The following NDUFV2 variants were observed in gnomAD, a reference collection of about 807,000 sequenced individuals.
NDUFV2 encodes the protein NADH dehydrogenase [ubiquinone] flavoprotein 2, mitochondrial.
NDUFV2 carries 18 observed loss-of-function variants against 31.6 expected under a neutral mutation model. That is an observed-to-expected ratio of 0.57 (90% CI 0.39 to 0.84). The LOEUF (loss-of-function observed/expected upper bound fraction) is 0.84, where lower values mean the gene tolerates loss of function less well. NDUFV2 is among the 40% of genes least tolerant of loss of function. The probability of loss-of-function intolerance (pLI) is 0.00; values close to 1 mark genes in which losing one functional copy is unlikely to be tolerated. For synonymous variants in NDUFV2, 83 were observed against 99.8 expected, an observed-to-expected ratio of 0.83 and a Z score of 1.01; for missense variants, 314 against 303.6, an observed-to-expected ratio of 1.03 and a Z score of -0.26.
chr18:9,113,633 GA>G (rs2144735137), intron 1 of NDUFV2, among the ~76,000 whole-genome samples: 1 of 152,282 alleles, frequency 6.6e-6, no homozygotes, highest in African/African-American at 2.4e-5. Flanking sequence ...TCCACAAGCA[GA>G]TAGCCCGGTG....
At chr18:9,112,468 A>C (rs948669679) in intron 1 of NDUFV2, 5 of 152,124 alleles carry the variant, frequency 3.3e-5, no homozygotes, top group African/African-American at 1.2e-4. Context: ...AGAACTAAAG[A>C]CTTCATTGGG....
Position 9,126,842 on chromosome 18 carries a change from A to G in NDUFV2, c.591A>G (p.Thr197=). The G allele has an allele frequency of 6.2e-7, 1 of 1,613,318 alleles. No individual in the cohort carries two copies. The highest frequency in any genetic ancestry group is 1.1e-5 in the South Asian group (1 of 90,926). ...QINDNYYEDL[T]AKDIEEIIDE... is the part of the protein sequence containing the mutation. ...AATTTTTTTTCCAGGAGGATTTGAC[A>G]GCTAAGGATATTGAAGAAATTATTG... The change falls in exon 7 of 8, where the codon ACA becomes ACG. Residue 197 remains threonine (T), a synonymous_variant. Coordinates refer to ENST00000318388, the MANE Select transcript of NDUFV2 (RefSeq NM_021074.5).
At chr18:9,107,340 C>T (rs2077846975) in intron 1 of NDUFV2, among the ~76,000 whole-genome samples, 1 of 152,340 alleles carries the variant, frequency 6.6e-6, no homozygotes, top group South Asian at 2.1e-4. Flanking sequence ...AATTACAGGT[C>T]TGTTGCCCAT....
Position 9,118,005 on chromosome 18 carries a change from A to G in NDUFV2, c.120+102A>G, listed in dbSNP as rs1416844426. 4 of 793,728 alleles carry G rather than the reference A, an allele frequency of 5.0e-6. No homozygotes were observed. In the East Asian group the frequency reaches 7.4e-5, roughly 15 times the overall value. The allele number at this position is 793,728 out of a possible 1,614,324, so 49.2% of individuals were successfully genotyped here. A position where few individuals can be genotyped will look rare whatever the true frequency, so the allele number is the denominator to read the frequency against. ...TCTTAAATACCATTGTCTTTGATAT[A>G]TGATGGTCATCGTGAGAATTTACAT... On this transcript the variant is annotated intron_variant, in intron 2 of 7. Transcript: ENST00000318388.
chr18:9,121,734 C>T (rs1300593494), intron 4 of NDUFV2, among the ~76,000 whole-genome samples: 4 of 152,306 alleles, frequency 2.6e-5, no homozygotes, highest in African/African-American at 7.2e-5. Context: ...TAGAAATCCT[C>T]GTTTTCCCTA....
At chr18:9,121,663 C>G (rs1265073739) in intron 4 of NDUFV2, among the ~76,000 whole-genome samples, 2 of 152,020 alleles carry the variant, frequency 1.3e-5, no homozygotes, top group Admixed American at 1.3e-4. Flanking sequence ...AATAGGTCAC[C>G]TAGAAAGTTG....
At chr18:9,124,798 ATTCT>A in intron 5 of NDUFV2, 72 bp from the exon 6 acceptor site, 1 of 1,283,226 alleles carries the variant, frequency 7.8e-7, no homozygotes, top group Non-Finnish European at 1.1e-6. Flanking sequence ...CTCTATAAAA[ATTCT>A]TTTTTTTTTT....
In NDUFV2 at chr18:9,125,050, A is replaced by G. The variant is rs559207657; in HGVS notation, c.579+67A>G. ...ATATTTAAAACATTTTAAATATTTG[A>G]TTTTGTGTCCTTAGATGTTGGTTTC... On this transcript the variant is annotated intron_variant, in intron 6 of 7. Coordinates refer to ENST00000318388, the MANE Select transcript of NDUFV2 (RefSeq NM_021074.5). 26 of 1,501,856 alleles carry G rather than the reference A, an allele frequency of 1.7e-5. No individual in the cohort carries two copies. The East Asian group carries it at 5.1e-4, about 29-fold the overall frequency. 93.0% of individuals were successfully genotyped at this position (1,501,856 alleles called of 1,614,324 possible). A position where few individuals can be genotyped will look rare whatever the true frequency, so the allele number is the denominator to read the frequency against.
chr18:9,117,806 T>A, intron 1 of NDUFV2, 32 bp from the exon 2 acceptor site: 1 of 1,330,252 alleles, frequency 7.5e-7, no homozygotes, highest in Non-Finnish European at 1.1e-6. Flanking sequence ...AGGCTATGAT[T>A]TACTAAACTT....
chr18:9,109,346 TCTGA>T (rs964625154), intron 1 of NDUFV2, among the ~76,000 whole-genome samples: 13 of 152,230 alleles, frequency 8.5e-5, no homozygotes, highest in African/African-American at 1.4e-4. Context: ...GTCTTGTCTT[TCTGA>T]CTAATTAGAT....
At chr18:9,110,863 G>A (rs892075944) in intron 1 of NDUFV2, among the ~76,000 whole-genome samples, 46 of 152,150 alleles carry the variant, frequency 3.0e-4, no homozygotes, top group African/African-American at 1.1e-3. Context: ...CTTTGAAGAG[G>A]TCGACTTCGG....
chr18:9,117,799 C>G (rs2077906483), intron 1 of NDUFV2, 39 bp from the exon 2 acceptor site: 1 of 1,213,358 alleles, frequency 8.2e-7, no homozygotes, highest in East Asian at 2.3e-5. Flanking sequence ...TTTTTTAAGG[C>G]TATGATTTAC....
chr18:9,121,502 C>T (rs2077935296), intron 4 of NDUFV2: 1 of 152,164 alleles, frequency 6.6e-6, no homozygotes, highest in Non-Finnish European at 1.5e-5. Context: ...ACAAGTGAGC[C>T]ATGATTAGAT....
chr18:9,110,101 G>GA (rs1315668692), intron 1 of NDUFV2, among the ~76,000 whole-genome samples: 1 of 151,174 alleles, frequency 6.6e-6, no homozygotes, highest in Non-Finnish European at 1.5e-5. Context: ...AGATTCTAGA[G>GA]AAAAGACTAG....
At chr18:9,123,612 G>A (rs1257760500) in intron 5 of NDUFV2, among the ~76,000 whole-genome samples, 1 of 152,024 alleles carries the variant, frequency 6.6e-6, no homozygotes, top group Non-Finnish European at 1.5e-5. Context: ...ACCCTTCCAA[G>A]TAGCTGTAGC....
At chr18:9,107,349 A>G (rs929359561) in intron 1 of NDUFV2, among the ~76,000 whole-genome samples, 4 of 152,232 alleles carry the variant, frequency 2.6e-5, no homozygotes, top group African/African-American at 9.6e-5. Context: ...TCTGTTGCCC[A>G]TGCTGTATAA....
At chr18:9,105,020 TC>T in intron 1 of NDUFV2, 1 of 1,494,016 alleles carries the variant, frequency 6.7e-7, no homozygotes. Context: ...TGTAATGTAT[TC>T]TGAACAGCTT....
At chr18:9,105,102 T>A in intron 1 of NDUFV2, 1 of 1,094,406 alleles carries the variant, frequency 9.1e-7, no homozygotes, top group Non-Finnish European at 1.2e-6. Flanking sequence ...GATGTTCTAT[T>A]ACTTATACAA....
At chr18:9,104,680 TTC>T (rs1369955901) in intron 1 of NDUFV2, among the ~76,000 whole-genome samples, 4 of 151,856 alleles carry the variant, frequency 2.6e-5, no homozygotes, top group African/African-American at 9.7e-5. Flanking sequence ...CCTTCCTTCC[TTC>T]TCTCTCTCCA....
Sources: allele counts gnomAD v4.1 joint callset (sites outside exome capture counted in the v4.1 genomes callset), GRCh38; gene constraint gnomAD v4.1.1; transcripts MANE v1.5; gene names NCBI Gene and HGNC (gene_info 2026-07-23, HGNC 2026-07-21).